Variants in RNF8 observed in about 807,000 individuals in gnomAD.
RNF8 encodes E3 ubiquitin-protein ligase RNF8.
A neutral mutation model predicts 59.3 loss-of-function variants in RNF8; 8 were observed. The observed-to-expected ratio is 0.13, with a 90% confidence interval of 0.08 to 0.24. The LOEUF (loss-of-function observed/expected upper bound fraction) is 0.24, where lower values mean the gene tolerates loss of function less well. Among genes scored for constraint, RNF8 ranks in the 10% least tolerant of loss-of-function variants. RNF8 has a pLI of 1.00. For synonymous variants in RNF8, 162 were observed against 200.0 expected (o/e 0.81, Z 1.60); for missense variants, 406 against 572.6 (o/e 0.71, Z 2.97).
intron 1 of RNF8, among the ~76,000 whole-genome samples, chr6:37,358,823 G>A (rs59352424): frequency 0.035 from 5,256 of 152,200 alleles, 236 homozygotes; most frequent in East Asian, 0.11. Context: ...GGAGCCGGGC[G>A]CGGTGGCTCA....
intron 3 of RNF8, among the ~76,000 whole-genome samples, chr6:37,369,471 G>T (rs1376346891): frequency 6.6e-6 from 1 of 152,226 alleles, no homozygotes; most frequent in Non-Finnish European, 1.5e-5. Flanking sequence ...AGCAGAGCCA[G>T]CCAGGGCATA....
At chr6:37,364,694 A>G (rs546786998) in intron 2 of RNF8, among the ~76,000 whole-genome samples, 12 of 152,362 alleles carry the variant, frequency 7.9e-5, no homozygotes, top group Admixed American at 7.2e-4. Flanking sequence ...TCCTATTTCT[A>G]GGTATTTACC....
chr6:37,367,565 G>A lies in RNF8; in HGVS notation c.241-919G>A, dbSNP rs60344712. On this transcript the variant is annotated intron_variant, in intron 2 of 7. Transcript: ENST00000373479. ...ATTACAGGCACCCACCACCACACCT[G>A]GCTAATTTTTGTATTTTTAGTAGAG... 4.7e-3 allele frequency among the ~76,000 whole-genome samples: 721 copies of A among 152,118 alleles called. 6 individuals carry two copies. Among genetic ancestry groups the A allele is most frequent in the African/African-American group, 0.016 (682 of 41,498 alleles).
At chr6:37,366,517 A>T (rs541041336) in intron 2 of RNF8, among the ~76,000 whole-genome samples, 2 of 152,234 alleles carry the variant, frequency 1.3e-5, no homozygotes, top group Non-Finnish European at 2.9e-5. Flanking sequence ...CCCAATGCAC[A>T]GTGGGTTAAG....
intron 7 of RNF8, among the ~76,000 whole-genome samples, chr6:37,388,220 C>T (rs950271884): frequency 1.3e-5 from 2 of 152,202 alleles, no homozygotes; most frequent in African/African-American, 4.8e-5. Flanking sequence ...GTAGAATCCA[C>T]AGGTCTGTGG....
At chr6:37,372,489 G>T (rs1425073595) in intron 4 of RNF8, among the ~76,000 whole-genome samples, 1 of 152,076 alleles carries the variant, frequency 6.6e-6, no homozygotes, top group African/African-American at 2.4e-5. Context: ...GGGAGAGTAG[G>T]CATGTTTCCC....
chr6:37,363,504 A>G (rs1769410205), intron 2 of RNF8, among the ~76,000 whole-genome samples: 1 of 152,230 alleles, frequency 6.6e-6, no homozygotes, highest in Non-Finnish European at 1.5e-5. Context: ...GTTCTATCCA[A>G]TGAAAAGTTG....
At chr6:37,362,717 A>G (rs1769376047) in intron 2 of RNF8, among the ~76,000 whole-genome samples, 1 of 152,212 alleles carries the variant, frequency 6.6e-6, no homozygotes, top group Non-Finnish European at 1.5e-5. Context: ...GTTGTGTTTG[A>G]AGTCATTTGC....
chr6:37,359,972 A>T (rs1769253470), intron 1 of RNF8, among the ~76,000 whole-genome samples: 2 of 152,242 alleles, frequency 1.3e-5, no homozygotes, highest in Non-Finnish European at 2.9e-5. Context: ...TGTTCACTTT[A>T]TATCTGTGCC....
chr6:37,372,971 A>C (rs1365217959), intron 4 of RNF8, among the ~76,000 whole-genome samples: 1 of 152,214 alleles, frequency 6.6e-6, no homozygotes, highest in Non-Finnish European at 1.5e-5. Context: ...CTCAAAAAAA[A>C]GTGATACTTT....
rs1392854136 is a variant in RNF8, at chr6:37,394,462, T to G, written c.*3704T>G. 6.6e-6 allele frequency: 1 copy of G among 152,234 alleles called. No individual in the cohort carries two copies. The highest frequency in any genetic ancestry group is 2.4e-5 in the African/African-American group (1 of 41,450). The allele number at this position is 152,234 out of a possible 1,614,324, so 9.4% of individuals were successfully genotyped here. On this transcript the variant is annotated 3_prime_UTR_variant, in exon 8 of 8. Coordinates refer to ENST00000373479, the MANE Select transcript of RNF8 (RefSeq NM_003958.4). ...TCCTAGGAAAGGGCTCAGCCTGTGA[T>G]AGGCATTCAATAAATACTCCAATGC...
chr6:37,356,391 A>T (rs1005570432), intron 1 of RNF8, among the ~76,000 whole-genome samples: 1 of 152,250 alleles, frequency 6.6e-6, no homozygotes, highest in South Asian at 2.1e-4. Context: ...AAGATACGCT[A>T]ATAACATAAC....
chr6:37,362,060 T>C (rs1194767976), intron 2 of RNF8, among the ~76,000 whole-genome samples: 1 of 152,244 alleles, frequency 6.6e-6, no homozygotes, highest in African/African-American at 2.4e-5. Flanking sequence ...TAATTATGCA[T>C]ATTTAAAATA....
intron 7 of RNF8, among the ~76,000 whole-genome samples, chr6:37,386,125 T>C (rs1349413810): frequency 3.4e-5 from 5 of 147,466 alleles, no homozygotes; most frequent in Non-Finnish European, 7.7e-5. Context: ...TGTGAGCCAC[T>C]GCACCTGGGC....
intron 1 of RNF8, among the ~76,000 whole-genome samples, chr6:37,356,552 A>T (rs1769122261): frequency 6.6e-6 from 1 of 152,230 alleles, no homozygotes; most frequent in African/African-American, 2.4e-5. Context: ...AGCAATGCAT[A>T]GAGTTTGGTG....
intron 2 of RNF8, 47 bp from the exon 3 acceptor site, chr6:37,368,437 A>T (rs1172481885): frequency 6.2e-7 from 1 of 1,613,878 alleles, no homozygotes; most frequent in African/African-American, 1.3e-5. Flanking sequence ...TCCTTTAAGA[A>T]GACGAAAATC....
chr6:37,380,670 C>CAA (rs1270420232), intron 6 of RNF8, among the ~76,000 whole-genome samples: 21 of 105,182 alleles, frequency 2.0e-4, no homozygotes, highest in East Asian at 1.4e-3. Flanking sequence ...GACTCCGTCT[C>CAA]AAAAAAAAAA....
chr6:37,381,427 G>A (rs1770257491), intron 7 of RNF8, 73 bp downstream of exon 7: 1 of 1,320,148 alleles, frequency 7.6e-7, no homozygotes, highest in Middle Eastern at 1.9e-4. Context: ...AATATTTTTG[G>A]AAAGAGAAAG....
intron 2 of RNF8, among the ~76,000 whole-genome samples, chr6:37,367,620 T>A (rs1769613924): frequency 6.6e-6 from 1 of 152,186 alleles, no homozygotes; most frequent in African/African-American, 2.4e-5. Context: ...GCCAGGGTGG[T>A]CTTGAACTCC....
Sources: allele counts gnomAD v4.1 joint callset (sites outside exome capture counted in the v4.1 genomes callset), GRCh38; gene constraint gnomAD v4.1.1; transcripts MANE v1.5; gene names NCBI Gene and HGNC (gene_info 2026-07-23, HGNC 2026-07-21).